Variants in GLRB observed in about 807,000 individuals in gnomAD.
GLRB encodes glycine receptor beta.
GLRB carries 33 observed loss-of-function variants against 54.2 expected under a neutral mutation model. The ratio of observed to expected loss-of-function variants is 0.61; its 90% CI spans 0.46 to 0.81. The LOEUF is 0.81. Among genes scored for constraint, GLRB ranks in the 40% least tolerant of loss-of-function variants. The pLI is 0.00. For missense variants in GLRB, 572 were observed against 584.6 expected (o/e 0.98, Z 0.22); for synonymous variants, 209 against 208.2 (o/e 1.00, Z -0.03).
At chr4:157,123,581 C>T (rs1735909516) in intron 4 of GLRB, among the ~76,000 whole-genome samples, 1 of 151,722 alleles carries the variant, frequency 6.6e-6, no homozygotes, top group Non-Finnish European at 1.5e-5. Context: ...ATTTAAATAA[C>T]ATAGACATGC....
intron 4 of GLRB, among the ~76,000 whole-genome samples, chr4:157,122,909 C>T (rs1735887525): frequency 6.6e-6 from 1 of 151,366 alleles, no homozygotes; most frequent in African/African-American, 2.4e-5. Flanking sequence ...AAAGATGGTG[C>T]AGCAAGATGA....
intron 1 of GLRB, among the ~76,000 whole-genome samples, chr4:157,076,935 G>A (rs1197458806): frequency 7.9e-6 from 1 of 126,238 alleles, no homozygotes; most frequent in East Asian, 2.6e-4. Flanking sequence ...GGCTTGCCTG[G>A]AGTGTGTGTA....
chr4:157,111,021 G>A (rs1267742485), intron 2 of GLRB, among the ~76,000 whole-genome samples: 1 of 151,896 alleles, frequency 6.6e-6, no homozygotes, highest in African/African-American at 2.4e-5. Context: ...TGCTCACTCT[G>A]TGTTGAGCTC....
chr4:157,126,870 A>T (rs1472254231), intron 4 of GLRB, among the ~76,000 whole-genome samples: 2 of 151,906 alleles, frequency 1.3e-5, no homozygotes, highest in Non-Finnish European at 2.9e-5. Flanking sequence ...CTTTCATGGA[A>T]ATAAAAGCCT....
At chr4:157,092,094 C>T (rs1012062990) in intron 2 of GLRB, among the ~76,000 whole-genome samples, 1 of 152,110 alleles carries the variant, frequency 6.6e-6, no homozygotes, top group Non-Finnish European at 1.5e-5. Flanking sequence ...AATAGTGCAT[C>T]CTCAGATAAT....
chr4:157,120,763 C>A, intron 3 of GLRB, 101 bp downstream of exon 3: 3 of 608,430 alleles, frequency 4.9e-6, no homozygotes, highest in Non-Finnish European at 6.1e-6. Context: ...TTGTGATATT[C>A]AAAACAGTAA....
At position 157,138,801 on chromosome 4, in the gene GLRB, GT is replaced by G. The variant is rs1736503292; in HGVS notation, c.611-5del. ...TTTAAACTAACATTTATTTGTTTTT[GT>G]TTATAGTTGGTTACACAACTGATGA... is the stretch of plus-strand genomic sequence containing the variant. On this transcript the variant is annotated splice_region_variant and splice_polypyrimidine_tract_variant and intron_variant, in intron 6 of 9. Coordinates refer to ENST00000264428, the MANE Select transcript of GLRB (RefSeq NM_000824.5). 1.4e-6 allele frequency: 2 copies of G among 1,417,872 alleles called. No homozygotes were observed. Among genetic ancestry groups the G allele is most frequent in the Non-Finnish European group, 2.0e-6 (2 of 1,005,892 alleles). The allele number at this position is 1,417,872 out of a possible 1,614,324, so 87.8% of individuals were successfully genotyped here. A position where few individuals can be genotyped will look rare whatever the true frequency, so the allele number is the denominator to read the frequency against.
At chr4:157,126,483 A>G (rs1454332264) in intron 4 of GLRB, among the ~76,000 whole-genome samples, 1 of 151,814 alleles carries the variant, frequency 6.6e-6, no homozygotes, top group Non-Finnish European at 1.5e-5. Context: ...CATTATCAAT[A>G]CTATAAGTGG....
chr4:157,106,052 C>G (rs1216211750), intron 2 of GLRB, among the ~76,000 whole-genome samples: 1 of 152,044 alleles, frequency 6.6e-6, no homozygotes, highest in Non-Finnish European at 1.5e-5. Context: ...GAAGAACTCC[C>G]TTTAGCATTT....
Position 157,138,943 on chromosome 4 carries a change from G to T in GLRB, c.745G>T (p.Gly249Cys). ...TGGTAACTGTACAAAATACTATAAA[G>T]GCACGGGTAAGTAATATTCTTTAAA... is the stretch of plus-strand genomic sequence containing the variant. Reference protein sequence around the residue: ...EYGNCTKYYKGTGYYTCVEVI... With the variant: ...EYGNCTKYYKCTGYYTCVEVI... The change falls in exon 7 of 10, where the codon GGC becomes TGC. Residue 249 changes from glycine to cysteine, a missense_variant. Coordinates refer to ENST00000264428, the MANE Select transcript of GLRB (RefSeq NM_000824.5). The T allele has an allele frequency of 2.1e-6, 3 of 1,416,066 alleles. No individual in the cohort carries two copies. The highest frequency in any genetic ancestry group is 3.0e-6 in the Non-Finnish European group (3 of 1,001,520). 87.7% of individuals were successfully genotyped at this position (1,416,066 alleles called of 1,614,324 possible). A position where few individuals can be genotyped will look rare whatever the true frequency, so the allele number is the denominator to read the frequency against.
At chr4:157,150,692 A>C (rs1358143365) in intron 8 of GLRB, among the ~76,000 whole-genome samples, 1 of 151,988 alleles carries the variant, frequency 6.6e-6, no homozygotes, top group Non-Finnish European at 1.5e-5. Flanking sequence ...TGACAAAGTC[A>C]TCTTCTTTTC....
intron 2 of GLRB, among the ~76,000 whole-genome samples, chr4:157,115,387 G>T (rs924488660): frequency 6.6e-6 from 1 of 150,712 alleles, no homozygotes; most frequent in South Asian, 2.1e-4. Flanking sequence ...ATAACATCAC[G>T]GTTGCCACTA....
intron 1 of GLRB, among the ~76,000 whole-genome samples, chr4:157,076,972 T>G (rs1169758097): frequency 1.4e-4 from 2 of 14,440 alleles, no homozygotes; most frequent in Non-Finnish European, 4.2e-4. Flanking sequence ...GGAAGAATCC[T>G]GGGGGGGGGG....
At chr4:157,083,092 A>T (rs1734283887) in intron 2 of GLRB, among the ~76,000 whole-genome samples, 1 of 151,592 alleles carries the variant, frequency 6.6e-6, no homozygotes, top group Admixed American at 6.6e-5. Flanking sequence ...TAGTAAAACT[A>T]TTTTGCTAAT....
intron 2 of GLRB, among the ~76,000 whole-genome samples, chr4:157,089,329 G>C (rs973913643): frequency 6.6e-6 from 1 of 152,118 alleles, no homozygotes; most frequent in South Asian, 2.1e-4. Flanking sequence ...AGTCCAGGAG[G>C]ACAAGGTTGC....
At chr4:157,114,401 T>A (rs555163163) in intron 2 of GLRB, among the ~76,000 whole-genome samples, 65 of 151,662 alleles carry the variant, frequency 4.3e-4, no homozygotes, top group African/African-American at 1.4e-3. Context: ...TATAGAAAAA[T>A]TTCCAAGGTA....
intron 2 of GLRB, among the ~76,000 whole-genome samples, chr4:157,108,607 A>G (rs1735307260): frequency 6.6e-6 from 1 of 152,134 alleles, no homozygotes; most frequent in African/African-American, 2.4e-5. Context: ...ATTCCTATGG[A>G]TGAGCAAAGA....
At chr4:157,163,755 T>G (rs1737605660) in intron 9 of GLRB, among the ~76,000 whole-genome samples, 1 of 152,110 alleles carries the variant, frequency 6.6e-6, no homozygotes, top group Non-Finnish European at 1.5e-5. Context: ...ACTCACCATT[T>G]TATGGTTCCT....
chr4:157,156,862 C>G (rs1159637760), intron 9 of GLRB, among the ~76,000 whole-genome samples: 2 of 152,102 alleles, frequency 1.3e-5, no homozygotes, highest in African/African-American at 2.4e-5. Context: ...TGTATTGAAA[C>G]TTGGACATTT....
Sources: allele counts gnomAD v4.1 joint callset (sites outside exome capture counted in the v4.1 genomes callset), GRCh38; gene constraint gnomAD v4.1.1; transcripts MANE v1.5; gene names NCBI Gene and HGNC (gene_info 2026-07-23, HGNC 2026-07-21).